The following SLX4IP variants were observed in gnomAD, a reference collection of about 807,000 sequenced individuals.
The protein encoded by SLX4IP is SLX4 interacting protein.
Under a neutral mutation model 32.9 loss-of-function variants are expected in SLX4IP, and 34 were observed. The ratio of observed to expected loss-of-function variants is 1.03; its 90% confidence interval spans 0.79 to 1.38. SLX4IP has a LOEUF of 1.38. Ranked by LOEUF, SLX4IP falls within the 40% of genes most tolerant of loss-of-function variation. The pLI is 0.00. For synonymous variants in SLX4IP, 172 were observed against 171.7 expected (o/e 1.00, Z -0.01); for missense variants, 444 against 479.0 (o/e 0.93, Z 0.68).
intron 2 of SLX4IP, among the ~76,000 whole-genome samples, chr20:10,495,590 C>G (rs897249258): frequency 6.6e-6 from 1 of 152,082 alleles, no homozygotes; most frequent in East Asian, 1.9e-4. Flanking sequence ...GTAATAGATT[C>G]GTCACATTTT....
At chr20:10,601,169 T>TTTG (rs539476272) in intron 5 of SLX4IP, among the ~76,000 whole-genome samples, 156 of 152,334 alleles carry the variant, frequency 1.0e-3, no homozygotes, top group Admixed American at 1.7e-3. Flanking sequence ...TATTGTATAT[T>TTTG]TAACCATTTT....
At chr20:10,546,240 G>T (rs1421477718) in intron 2 of SLX4IP, among the ~76,000 whole-genome samples, 1 of 152,196 alleles carries the variant, frequency 6.6e-6, no homozygotes, top group Non-Finnish European at 1.5e-5. Flanking sequence ...CCTTACGGAC[G>T]AGTACATTGC....
chr20:10,439,008 C>G (rs1957082777), intron 1 of SLX4IP, among the ~76,000 whole-genome samples: 1 of 151,780 alleles, frequency 6.6e-6, no homozygotes, highest in African/African-American at 2.4e-5. Context: ...GCCTGGCCAT[C>G]ATAATTATTT....
intron 4 of SLX4IP, among the ~76,000 whole-genome samples, chr20:10,586,890 T>G (rs1469683463): frequency 6.6e-6 from 1 of 152,020 alleles, no homozygotes; most frequent in Non-Finnish European, 1.5e-5. Flanking sequence ...ATTAAAGAAT[T>G]TAAACCACTG....
At chr20:10,440,426 G>T (rs946669324) in intron 1 of SLX4IP, among the ~76,000 whole-genome samples, 6 of 151,864 alleles carry the variant, frequency 4.0e-5, no homozygotes, top group African/African-American at 7.3e-5. Flanking sequence ...CTGCGCTTTA[G>T]CCTGGGTGAC....
chr20:10,582,203 G>T (rs551676086), intron 4 of SLX4IP, among the ~76,000 whole-genome samples: 1 of 152,276 alleles, frequency 6.6e-6, no homozygotes, highest in East Asian at 1.9e-4. Flanking sequence ...GGATCTTGGA[G>T]AGGTGGCAGG....
At position 10,623,229 on chromosome 20, in the gene SLX4IP, G is replaced by T. The variant is rs747079607; in HGVS notation, c.1077G>T (p.Leu359Phe). The change falls in exon 8 of 8, where the codon TTG (leucine) becomes TTT (phenylalanine). Residue 359 changes from leucine (L) to phenylalanine (F), a missense_variant. Transcript: ENST00000334534. ...DLAKTTSKEE[L>F]HVLESLSSRH... ...CAAAAACCACGTCTAAGGAAGAGTT[G>T]CATGTTTTGGAAAGTCTCTCCTCCA... is the stretch of plus-strand genomic sequence containing the variant. The T allele has an allele frequency of 9.9e-6, 16 of 1,614,222 alleles. No homozygotes were observed. In the Admixed American group the frequency reaches 1.3e-4, roughly 13 times the overall value.
chr20:10,498,639 G>A (rs980145853), intron 2 of SLX4IP, among the ~76,000 whole-genome samples: 1 of 151,812 alleles, frequency 6.6e-6, no homozygotes, highest in Non-Finnish European at 1.5e-5. Flanking sequence ...CATCTTGATG[G>A]GAGGTTCTTT....
chr20:10,471,052 G>T (rs673034), intron 2 of SLX4IP, among the ~76,000 whole-genome samples: 56,617 of 152,026 alleles, frequency 0.37, 12,357 homozygotes, highest in Non-Finnish European at 0.49. Flanking sequence ...GTTTCTTTTG[G>T]ATATCAAATT....
intron 6 of SLX4IP, among the ~76,000 whole-genome samples, chr20:10,607,327 T>C (rs2066916593): frequency 6.6e-6 from 1 of 152,190 alleles, no homozygotes; most frequent in South Asian, 2.1e-4. Flanking sequence ...GTGGCCAAAA[T>C]AGCCATCAAG....
chr20:10,528,991 A>G (rs943364391), intron 2 of SLX4IP, among the ~76,000 whole-genome samples: 33 of 152,208 alleles, frequency 2.2e-4, no homozygotes, highest in Non-Finnish European at 1.2e-4. Flanking sequence ...CTATTATTTT[A>G]ATCTGTACAA....
chr20:10,577,777 G>A (rs1421704362), intron 4 of SLX4IP, among the ~76,000 whole-genome samples: 1 of 152,204 alleles, frequency 6.6e-6, no homozygotes, highest in Non-Finnish European at 1.5e-5. Context: ...TAGGATGACT[G>A]TAGGGCCAGG....
chr20:10,502,684 GC>G (rs1433248392), intron 2 of SLX4IP, among the ~76,000 whole-genome samples: 8 of 151,072 alleles, frequency 5.3e-5, no homozygotes, highest in African/African-American at 2.0e-4. Context: ...TCTGTTAACT[GC>G]CCCCTCCCCA....
chr20:10,573,848 A>G (rs2066493358), intron 4 of SLX4IP, among the ~76,000 whole-genome samples: 1 of 152,244 alleles, frequency 6.6e-6, no homozygotes, highest in African/African-American at 2.4e-5. Flanking sequence ...AATGGACTCA[A>G]TCAAAACATT....
intron 2 of SLX4IP, among the ~76,000 whole-genome samples, chr20:10,504,073 G>A (rs1318022222): frequency 6.6e-6 from 1 of 152,196 alleles, no homozygotes; most frequent in Middle Eastern, 3.2e-3. Context: ...TGCTCTTCGT[G>A]AGAAAGAAGC....
At chr20:10,611,603 A>G (rs1432082323) in intron 6 of SLX4IP, among the ~76,000 whole-genome samples, 1 of 152,144 alleles carries the variant, frequency 6.6e-6, no homozygotes, top group Non-Finnish European at 1.5e-5. Context: ...TTAGTTCAGT[A>G]GTTTGATTGG....
At chr20:10,538,105 G>C (rs1366287968) in intron 2 of SLX4IP, among the ~76,000 whole-genome samples, 3 of 152,178 alleles carry the variant, frequency 2.0e-5, no homozygotes, top group Admixed American at 6.5e-5. Context: ...TAAAGACTAA[G>C]AGGACCCTTT....
At chr20:10,532,757 G>T (rs1315999706) in intron 2 of SLX4IP, among the ~76,000 whole-genome samples, 3 of 149,376 alleles carry the variant, frequency 2.0e-5, no homozygotes, top group African/African-American at 7.3e-5. Flanking sequence ...GAAAAAAATG[G>T]ACTTTTATAA....
chr20:10,499,611 A>G (rs1445637235), intron 2 of SLX4IP, among the ~76,000 whole-genome samples: 1 of 152,208 alleles, frequency 6.6e-6, no homozygotes, highest in Non-Finnish European at 1.5e-5. Context: ...TATTAGTAGT[A>G]TTACCTACAG....
Sources: gnomAD v4.1 joint callset for allele counts (sites outside exome capture counted in the v4.1 genomes callset) on GRCh38, gnomAD v4.1.1 for gene constraint, MANE v1.5 for transcripts, NCBI Gene and HGNC (gene_info 2026-07-23, HGNC 2026-07-21) for gene names.